Variants in NAF1 observed in about 807,000 individuals in gnomAD.
NAF1 encodes the protein H/ACA ribonucleoprotein complex non-core subunit NAF1.
In NAF1, 11 loss-of-function variants were observed where a neutral mutation model predicts 40.6. The ratio of observed to expected loss-of-function variants is 0.27; its 90% confidence interval spans 0.17 to 0.45. The LOEUF is 0.45. Ranked by LOEUF, NAF1 falls within the 20% of genes least tolerant of loss-of-function variation. NAF1 has a pLI of 1.00. For missense variants in NAF1, 607 were observed against 611.1 expected, an observed-to-expected ratio of 0.99 and a Z score of 0.07; for synonymous variants, 260 against 228.5, an observed-to-expected ratio of 1.14 and a Z score of -1.24.
At chr4:163,127,780 A>G (rs1579135473), downstream of NAF1, among the ~76,000 whole-genome samples, 1 of 152,246 alleles carries the variant, frequency 6.6e-6, no homozygotes, top group African/African-American at 2.4e-5. Context: ...TAGTGCAACC[A>G]GAGCGCATGG....
At chr4:163,110,219 G>A (rs1730118140) in exon 3 of NAF1, 4 of 682,878 alleles carry the variant, frequency 5.9e-6, no homozygotes, top group Non-Finnish European at 1.1e-5. Flanking sequence ...ACCATCATTT[G>A]AGGATACAGT....
At chr4:163,142,930 C>T (rs561980692) in intron 4 of NAF1, among the ~76,000 whole-genome samples, 7 of 152,092 alleles carry the variant, frequency 4.6e-5, no homozygotes, top group Non-Finnish European at 8.8e-5. Flanking sequence ...GGTCATTCCA[C>T]CCAACTTAGG....
At chr4:163,138,047 T>C (rs1731124967) in intron 5 of NAF1, among the ~76,000 whole-genome samples, 1 of 152,162 alleles carries the variant, frequency 6.6e-6, no homozygotes, top group South Asian at 2.1e-4. Context: ...TGTTATTCCA[T>C]TATGTTAAAA....
At chr4:163,151,224 T>C (rs903754791) in intron 2 of NAF1, among the ~76,000 whole-genome samples, 4 of 152,068 alleles carry the variant, frequency 2.6e-5, no homozygotes, top group Non-Finnish European at 5.9e-5. Flanking sequence ...ATTTCAGTCA[T>C]TTAGTTAACC....
downstream of NAF1, among the ~76,000 whole-genome samples, chr4:163,125,656 G>A (rs1730635378): frequency 6.6e-6 from 1 of 152,206 alleles, no homozygotes; most frequent in African/African-American, 2.4e-5. Context: ...AAAAGTGCAA[G>A]ATGAAGCTGT....
intron 3 of NAF1, among the ~76,000 whole-genome samples, chr4:163,147,246 TA>T (rs1285055045): frequency 1.1e-4 from 17 of 152,180 alleles, no homozygotes; most frequent in African/African-American, 3.6e-4. Context: ...TAGACACTGT[TA>T]GAAAAAAGTC....
Position 163,149,200 on chromosome 4 carries a change from C to T in NAF1, c.541-766G>A, listed in dbSNP as rs538039390. On this transcript the variant is annotated intron_variant, in intron 2 of 7. Coordinates refer to ENST00000274054, the MANE Select transcript of NAF1 (RefSeq NM_138386.3). ...CTGACCTTAGCCTTTAGATTAAAAACACAGCTTTCTGTTCTTGACCCTTGC... is the reference window on the plus strand; with the variant it reads ...CTGACCTTAGCCTTTAGATTAAAAATACAGCTTTCTGTTCTTGACCCTTGC... Among the ~76,000 whole-genome samples the T allele has an allele frequency of 5.3e-5, 8 of 152,224 alleles. No homozygotes were observed. The East Asian group carries it at 9.7e-4, about 18-fold the overall frequency.
At chr4:163,104,325 A>C in the NAF1 span, among the ~76,000 whole-genome samples, 2 of 152,314 alleles carry the variant, frequency 1.3e-5, no homozygotes, top group East Asian at 3.9e-4. Context: ...GCCTGACAAT[A>C]AGCATGTAGT....
downstream of NAF1, chr4:163,126,731 C>A (rs1042342555): frequency 1.3e-5 from 4 of 308,440 alleles, no homozygotes; most frequent in Non-Finnish European, 2.3e-5. Flanking sequence ...GCATCACATG[C>A]TACACAGAAA....
Position 163,128,886 on chromosome 4 carries a change from T to C in NAF1, c.*11A>G. 2.0e-6 allele frequency: 3 copies of C among 1,490,454 alleles called. No homozygotes were observed. The highest frequency in any genetic ancestry group is 1.4e-5 in the South Asian group (1 of 71,134). 92.3% of individuals were successfully genotyped at this position (1,490,454 alleles called of 1,614,324 possible). ...TGAAAAGTCCACATTTCTCTGGAAA[T>C]GCATAGTCACCTAATAGTAAGGTCC... On this transcript the variant is annotated 3_prime_UTR_variant, in exon 8 of 8. Transcript: ENST00000274054.
At chr4:163,108,477 A>G (rs543769682), downstream of NAF1, among the ~76,000 whole-genome samples, 1 of 152,336 alleles carries the variant, frequency 6.6e-6, no homozygotes, top group African/African-American at 2.4e-5. Context: ...AGAAAATAAT[A>G]TTCAAATGTT....
At chr4:163,128,606 CTATA>C (rs61471175), downstream of NAF1, 131 of 323,866 alleles carry the variant, frequency 4.0e-4, no homozygotes, top group Non-Finnish European at 5.2e-4. Flanking sequence ...ATATCCATTA[CTATA>C]TATATATATA....
intron 2 of NAF1, among the ~76,000 whole-genome samples, chr4:163,161,480 C>T (rs1244234645): frequency 8.0e-6 from 1 of 124,374 alleles, no homozygotes; most frequent in Non-Finnish European, 1.7e-5. Flanking sequence ...CCCCCCTCAC[C>T]AAAAAAAAAA....
At chr4:163,146,588 A>G (rs1731479015) in intron 3 of NAF1, among the ~76,000 whole-genome samples, 1 of 152,240 alleles carries the variant, frequency 6.6e-6, no homozygotes, top group Admixed American at 6.5e-5. Context: ...AACTAAGGGA[A>G]TAAAATATAT....
intron 2 of NAF1, among the ~76,000 whole-genome samples, chr4:163,153,031 C>A (rs1160505291): frequency 1.3e-5 from 2 of 152,220 alleles, no homozygotes; most frequent in African/African-American, 2.4e-5. Flanking sequence ...CCAGCAGTGC[C>A]AGCCCAGCAG....
In NAF1 at chr4:163,159,502, A is replaced by AGG. The variant is rs1732132504; in HGVS notation, c.540+4714_540+4715insCC. Among the ~76,000 whole-genome samples the AGG allele has an allele frequency of 3.9e-5, 6 of 152,304 alleles. No individual in the cohort carries two copies. In the South Asian group the frequency reaches 1.2e-3, roughly 32 times the overall value. On this transcript the variant is annotated intron_variant, in intron 2 of 7. Transcript: ENST00000274054. ...TTATGCCTAGAAAACAATATATTCA[A>AGG]TTGATAATTACTAAGTGTAGACCAA...
chr4:163,137,639 A>G (rs1731110925), intron 5 of NAF1, among the ~76,000 whole-genome samples: 1 of 152,196 alleles, frequency 6.6e-6, no homozygotes, highest in Non-Finnish European at 1.5e-5. Context: ...AAAAATGACT[A>G]TGAGGCATTC....
Position 163,154,890 on chromosome 4 carries a change from C to CAA in NAF1, c.541-6458_541-6457dup, listed in dbSNP as rs5863601. On this transcript the variant is annotated intron_variant, in intron 2 of 7. Coordinates refer to ENST00000274054, the MANE Select transcript of NAF1 (RefSeq NM_138386.3). ...TCCATCTCAGAAAACAAAACAAAAACAAAAAAAAAAAAACAGAGCGAGAGA... is the reference window on the plus strand; with the variant it reads ...TCCATCTCAGAAAACAAAACAAAAACAAAAAAAAAAAAAAACAGAGCGAGAGA... 9.0e-3 allele frequency among the ~76,000 whole-genome samples: 1,278 copies of CAA among 141,506 alleles called. 22 individuals carry two copies. Among genetic ancestry groups the CAA allele is most frequent in the African/African-American group, 0.026 (1,017 of 38,378 alleles). The allele number at this position is 141,506 out of a possible 152,430, so 92.8% of individuals were successfully genotyped here.
intron 2 of NAF1, among the ~76,000 whole-genome samples, chr4:163,162,385 GCA>G: frequency 6.6e-6 from 1 of 152,304 alleles, no homozygotes; most frequent in South Asian, 2.1e-4. Flanking sequence ...ATCTCTAGCA[GCA>G]CAGTGGTCTG....
Sources: allele counts gnomAD v4.1 joint callset (sites outside exome capture counted in the v4.1 genomes callset), GRCh38; gene constraint gnomAD v4.1.1; transcripts MANE v1.5; gene names NCBI Gene and HGNC (gene_info 2026-07-23, HGNC 2026-07-21).